Variants in RNF220 observed in about 807,000 individuals in gnomAD.
The protein encoded by RNF220 is E3 ubiquitin-protein ligase RNF220.
RNF220 carries 7 observed loss-of-function variants against 67.1 expected under a neutral mutation model. The ratio of observed to expected loss-of-function variants is 0.10; its 90% CI spans 0.06 to 0.20. The LOEUF is 0.20. Ranked by LOEUF, RNF220 falls within the 10% of genes least tolerant of loss-of-function variation. The pLI is 1.00. For missense variants in RNF220, 565 were observed against 740.3 expected, an observed-to-expected ratio of 0.76 and a Z score of 2.75; for synonymous variants, 270 against 283.2, an observed-to-expected ratio of 0.95 and a Z score of 0.47.
chr1:44,635,530 G>C lies in RNF220; in HGVS notation c.950-15G>C, dbSNP rs781512558. On this transcript the variant is annotated splice_polypyrimidine_tract_variant and intron_variant, in intron 6 of 14. Coordinates refer to ENST00000361799, the MANE Select transcript of RNF220 (RefSeq NM_018150.4). ...TCTGCTTGTTCTGTGCTTTGTTTTC[G>C]GTTTCCCCGTGCAGCTCGGATTGGG... The C allele has an allele frequency of 6.2e-7, 1 of 1,612,136 alleles. No homozygotes were observed. The highest frequency in any genetic ancestry group is 8.5e-7 in the Non-Finnish European group (1 of 1,179,208).
At chr1:44,500,970 T>G (rs1657797709) in intron 2 of RNF220, among the ~76,000 whole-genome samples, 1 of 136,342 alleles carries the variant, frequency 7.3e-6, no homozygotes, top group Non-Finnish European at 1.6e-5. Flanking sequence ...AGAGTGGGCC[T>G]GGGGGCCCCA....
At chr1:44,513,942 A>G (rs982642828) in intron 2 of RNF220, among the ~76,000 whole-genome samples, 4 of 152,252 alleles carry the variant, frequency 2.6e-5, no homozygotes, top group African/African-American at 9.6e-5. Flanking sequence ...TTCAGGAAGC[A>G]GAAAGAGCCT....
chr1:44,598,367 T>C (rs1387880932), intron 2 of RNF220, among the ~76,000 whole-genome samples: 1 of 152,198 alleles, frequency 6.6e-6, no homozygotes, highest in Non-Finnish European at 1.5e-5. Context: ...CCCATCTTGG[T>C]TCCTGATTTA....
At chr1:44,543,933 C>T (rs1345389839) in intron 2 of RNF220, among the ~76,000 whole-genome samples, 1 of 152,192 alleles carries the variant, frequency 6.6e-6, no homozygotes, top group African/African-American at 2.4e-5. Context: ...AGCAAGCAGC[C>T]TATCTCCAGC....
intron 2 of RNF220, among the ~76,000 whole-genome samples, chr1:44,592,767 GGCTA>G (rs1666210038): frequency 6.6e-6 from 1 of 152,144 alleles, no homozygotes; most frequent in Non-Finnish European, 1.5e-5. Flanking sequence ...AAAGACACAT[GGCTA>G]GCCATGCTTC....
At chr1:44,597,836 G>A (rs1042394347) in intron 2 of RNF220, among the ~76,000 whole-genome samples, 2 of 151,902 alleles carry the variant, frequency 1.3e-5, no homozygotes, top group African/African-American at 2.4e-5. Flanking sequence ...TCTTCCCGGC[G>A]CCCTTGTCTG....
chr1:44,573,461 A>G lies in RNF220; in HGVS notation c.626-40704A>G, dbSNP rs150901075. 2.4e-3 allele frequency among the ~76,000 whole-genome samples: 370 copies of G among 152,364 alleles called. 2 individuals are homozygous for G. Among genetic ancestry groups the G allele is most frequent in the African/African-American group, 8.2e-3 (343 of 41,594 alleles). On this transcript the variant is annotated intron_variant, in intron 2 of 14. Transcript: ENST00000361799. Reference sequence around the variant, plus strand: ...GAAAGAAGAGAAGAGACCAGAATCTACAGAAGGAAACCTAGCAGTGGGCAT... The same window carrying G: ...GAAAGAAGAGAAGAGACCAGAATCTGCAGAAGGAAACCTAGCAGTGGGCAT...
intron 2 of RNF220, among the ~76,000 whole-genome samples, chr1:44,504,273 G>A (rs1216091302): frequency 1.3e-5 from 2 of 152,194 alleles, no homozygotes; most frequent in African/African-American, 4.8e-5. Context: ...TGCTCTGGTA[G>A]AAGCCAGGGG....
chr1:44,525,521 C>A lies in RNF220; in HGVS notation c.626-88644C>A, dbSNP rs79378255. ...CTGTGCCAGGTGCCTGTTTACCCCC[C>A]TACTACTGTAGCAAGTGACTTTTGC... On this transcript the variant is annotated intron_variant, in intron 2 of 14. Coordinates refer to ENST00000361799, the MANE Select transcript of RNF220 (RefSeq NM_018150.4). Among the ~76,000 whole-genome samples, 8 of 152,312 alleles carry A rather than the reference C, an allele frequency of 5.3e-5. No individual in the cohort carries two copies. In the East Asian group the frequency reaches 1.5e-3, roughly 29 times the overall value.
rs56409207 is a variant in RNF220 at position 44,527,925 on chromosome 1, C to CAAAAAAAAAAAAAAAAAAAAAA, written c.626-86235_626-86214dup. Among the ~76,000 whole-genome samples, 13 of 56,194 alleles carry CAAAAAAAAAAAAAAAAAAAAAA rather than the reference C, an allele frequency of 2.3e-4. 4 individuals are homozygous for CAAAAAAAAAAAAAAAAAAAAAA. Among genetic ancestry groups the CAAAAAAAAAAAAAAAAAAAAAA allele is most frequent in the East Asian group, 1.1e-3 (2 of 1,740 alleles). The allele number at this position is 56,194 out of a possible 152,430, so 36.9% of individuals were successfully genotyped here. The stretch of plus-strand genomic sequence containing the variant: ...TGGGTGACAGAGCAAGACTCCATCC[C>CAAAAAAAAAAAAAAAAAAAAAA]AAAAAAAAAAAAAAAAAAAAAAAAA... On this transcript the variant is annotated intron_variant, in intron 2 of 14. Coordinates refer to ENST00000361799, the MANE Select transcript of RNF220 (RefSeq NM_018150.4).
chr1:44,491,052 A>G (rs1028296406), intron 2 of RNF220, among the ~76,000 whole-genome samples: 3 of 152,326 alleles, frequency 2.0e-5, no homozygotes, highest in East Asian at 3.9e-4. Flanking sequence ...AAAAATCTGC[A>G]TAGACCTATA....
chr1:44,640,227 T>A (rs75213740), intron 8 of RNF220, among the ~76,000 whole-genome samples: 6 of 152,198 alleles, frequency 3.9e-5, no homozygotes, highest in Non-Finnish European at 8.8e-5. Context: ...TTTGGTGTGC[T>A]AGTTCTCAAA....
chr1:44,561,911 T>C (rs1663603097), intron 2 of RNF220, among the ~76,000 whole-genome samples: 1 of 152,118 alleles, frequency 6.6e-6, no homozygotes, highest in Non-Finnish European at 1.5e-5. Context: ...AGGGAGACCC[T>C]GTCTCAAAAG....
chr1:44,607,267 A>G (rs953791732), intron 2 of RNF220, among the ~76,000 whole-genome samples: 1 of 152,180 alleles, frequency 6.6e-6, no homozygotes, highest in Non-Finnish European at 1.5e-5. Context: ...CAAGTCTGAT[A>G]TATCACTCTC....
chr1:44,579,717 G>A lies in RNF220; in HGVS notation c.626-34448G>A, dbSNP rs565957657. Among the ~76,000 whole-genome samples, 14 of 152,226 alleles carry A rather than the reference G, an allele frequency of 9.2e-5. No individual in the cohort carries two copies. The South Asian group carries it at 2.9e-3, about 32-fold the overall frequency. On this transcript the variant is annotated intron_variant, in intron 2 of 14. Coordinates refer to ENST00000361799, the MANE Select transcript of RNF220 (RefSeq NM_018150.4). ...CTCTGCTTAAGTAAGTCCCCACTGA[G>A]GTCCTGACCTATCTTTGGACCATGT...
intron 2 of RNF220, among the ~76,000 whole-genome samples, chr1:44,437,460 T>A (rs557637547): frequency 0.046 from 6,948 of 152,316 alleles, 205 homozygotes; most frequent in Middle Eastern, 0.11. Flanking sequence ...TGATTTTTCT[T>A]ATCTTCCCCC....
At chr1:44,493,651 C>G (rs549349753) in intron 2 of RNF220, among the ~76,000 whole-genome samples, 2 of 152,052 alleles carry the variant, frequency 1.3e-5, no homozygotes, top group African/African-American at 4.8e-5. Context: ...CTAAGCATTT[C>G]GGATAAGGGA....
intron 2 of RNF220, among the ~76,000 whole-genome samples, chr1:44,494,487 T>A (rs1336917522): frequency 6.6e-6 from 1 of 152,102 alleles, no homozygotes; most frequent in Non-Finnish European, 1.5e-5. Context: ...AAAATCATAA[T>A]TTTTTTGCAT....
chr1:44,632,063 G>A (rs903645290), intron 5 of RNF220: 1 of 1,123,398 alleles, frequency 8.9e-7, no homozygotes, highest in Non-Finnish European at 1.1e-6. Context: ...CTCGCCGGCC[G>A]GGCGGCCGTG....
Sources: allele counts gnomAD v4.1 joint callset (sites outside exome capture counted in the v4.1 genomes callset), GRCh38; gene constraint gnomAD v4.1.1; transcripts MANE v1.5; gene names NCBI Gene and HGNC (gene_info 2026-07-23, HGNC 2026-07-21).